Variants in COL8A1 observed in about 807,000 individuals in gnomAD.
COL8A1 encodes collagen type VIII alpha 1 chain.
A neutral mutation model predicts 42.7 loss-of-function variants in COL8A1; 21 were observed. The ratio of observed to expected loss-of-function variants is 0.49; its 90% confidence interval spans 0.35 to 0.71. The LOEUF is 0.71. Ranked by LOEUF, COL8A1 falls within the 30% of genes least tolerant of loss-of-function variation. COL8A1 has a pLI of 0.01. For synonymous variants in COL8A1, 367 were observed against 369.1 expected, an observed-to-expected ratio of 0.99 and a Z score of 0.06; for missense variants, 788 against 962.4, an observed-to-expected ratio of 0.82 and a Z score of 2.40.
rs1942111469 is a variant in COL8A1, at chr3:99,796,509, TTAAAATATTTATAAATA to T, written c.*375_*391del. 1 of 162,842 alleles carries T rather than the reference TTAAAATATTTATAAATA, an allele frequency of 6.1e-6. No individual in the cohort carries two copies. The highest frequency in any genetic ancestry group is 1.3e-5 in the Non-Finnish European group (1 of 75,454). The allele number at this position is 162,842 out of a possible 1,614,324, so 10.1% of individuals were successfully genotyped here. A position where few individuals can be genotyped will look rare whatever the true frequency, so the allele number is the denominator to read the frequency against. ...AAGGCACTCACTCATATTGTTTACT[TTAAAATATTTATAAATA>T]TGCCTTAAAGAAATACAAATGATAA... On this transcript the variant is annotated 3_prime_UTR_variant, in exon 4 of 4. Coordinates refer to ENST00000652472, the MANE Select transcript of COL8A1 (RefSeq NM_020351.4).
intron 1 of COL8A1, among the ~76,000 whole-genome samples, chr3:99,682,958 C>T (rs895225279): frequency 6.6e-5 from 10 of 152,090 alleles, no homozygotes; most frequent in Non-Finnish European, 1.0e-4. Flanking sequence ...AAATATGCCA[C>T]GAAGTGTAGA....
intron 1 of COL8A1, among the ~76,000 whole-genome samples, chr3:99,741,094 C>G (rs1234255045): frequency 2.0e-5 from 3 of 151,986 alleles, no homozygotes; most frequent in African/African-American, 7.2e-5. Context: ...CTCACTTAAC[C>G]CAACCAACAT....
chr3:99,698,225 A>G (rs1016504193), intron 1 of COL8A1, among the ~76,000 whole-genome samples: 18 of 152,216 alleles, frequency 1.2e-4, no homozygotes, highest in Admixed American at 3.3e-4. Context: ...ATTGGTGGAC[A>G]TTTGGGTTGC....
chr3:99,777,912 G>C (rs913466473), intron 2 of COL8A1, among the ~76,000 whole-genome samples: 4 of 152,176 alleles, frequency 2.6e-5, no homozygotes, highest in Non-Finnish European at 4.4e-5. Context: ...ACCAGCAGGA[G>C]AGGAAAGCAA....
chr3:99,721,791 A>T (rs1250082443), intron 1 of COL8A1, among the ~76,000 whole-genome samples: 1 of 152,108 alleles, frequency 6.6e-6, no homozygotes, highest in Non-Finnish European at 1.5e-5. Context: ...GTGAAAGGGC[A>T]GAGGAAAGTC....
At chr3:99,715,955 G>C (rs1485896544) in intron 1 of COL8A1, among the ~76,000 whole-genome samples, 1 of 151,956 alleles carries the variant, frequency 6.6e-6, no homozygotes, top group Non-Finnish European at 1.5e-5. Context: ...GAATTAAAAG[G>C]TCTTACGCCT....
At chr3:99,776,984 A>G (rs560255760) in intron 2 of COL8A1, among the ~76,000 whole-genome samples, 2 of 152,328 alleles carry the variant, frequency 1.3e-5, no homozygotes, top group South Asian at 2.1e-4. Flanking sequence ...GCCAGAGGGC[A>G]CTTTCATCAC....
At chr3:99,715,749 T>C (rs1008504921) in intron 1 of COL8A1, among the ~76,000 whole-genome samples, 9 of 152,050 alleles carry the variant, frequency 5.9e-5, no homozygotes, top group Middle Eastern at 3.4e-3. Context: ...AGCAAAGACA[T>C]GGCTTTTTAT....
intron 1 of COL8A1, among the ~76,000 whole-genome samples, chr3:99,648,510 G>C (rs1333396298): frequency 6.6e-6 from 1 of 151,404 alleles, no homozygotes; most frequent in Admixed American, 6.6e-5. Flanking sequence ...AGCCAAAAAA[G>C]TAAGGACTGT....
At chr3:99,661,596 T>C (rs531813922) in intron 1 of COL8A1, among the ~76,000 whole-genome samples, 1 of 152,340 alleles carries the variant, frequency 6.6e-6, no homozygotes, top group South Asian at 2.1e-4. Flanking sequence ...ATTAGCATAT[T>C]ATCCAGCAAT....
intron 1 of COL8A1, among the ~76,000 whole-genome samples, chr3:99,692,984 C>T (rs1285362051): frequency 6.6e-6 from 1 of 152,174 alleles, no homozygotes; most frequent in Non-Finnish European, 1.5e-5. Context: ...CATGGTGAAA[C>T]CTTGTCTCTA....
intron 1 of COL8A1, among the ~76,000 whole-genome samples, chr3:99,714,862 C>T (rs535493279): frequency 6.6e-6 from 1 of 152,068 alleles, no homozygotes; most frequent in South Asian, 2.1e-4. Context: ...GAAGGAACCA[C>T]TTTACATAGG....
At chr3:99,741,642 T>C (rs1940902565) in intron 1 of COL8A1, among the ~76,000 whole-genome samples, 1 of 152,162 alleles carries the variant, frequency 6.6e-6, no homozygotes, top group Non-Finnish European at 1.5e-5. Flanking sequence ...AAGGCTGAGA[T>C]TTGCTGGCAT....
intron 2 of COL8A1, among the ~76,000 whole-genome samples, chr3:99,780,877 C>A (rs1941782041): frequency 6.6e-6 from 1 of 152,152 alleles, no homozygotes; most frequent in Admixed American, 6.6e-5. Flanking sequence ...AATTCCACCC[C>A]TTAAATAAAT....
chr3:99,730,065 G>T (rs1940455912), intron 1 of COL8A1, among the ~76,000 whole-genome samples: 2 of 152,068 alleles, frequency 1.3e-5, no homozygotes, highest in Non-Finnish European at 1.5e-5. Flanking sequence ...GATGTCAATG[G>T]GATAAGAATA....
chr3:99,681,594 AC>A (rs1473697061), intron 1 of COL8A1, among the ~76,000 whole-genome samples: 3 of 152,178 alleles, frequency 2.0e-5, no homozygotes, highest in Non-Finnish European at 2.9e-5. Flanking sequence ...AATATGAAAG[AC>A]CAGCTGCTCT....
intron 1 of COL8A1, among the ~76,000 whole-genome samples, chr3:99,669,310 AAACT>A (rs1423647544): frequency 2.6e-5 from 4 of 151,914 alleles, no homozygotes; most frequent in African/African-American, 9.7e-5. Flanking sequence ...ACTGTAAACC[AAACT>A]AAGGAGGTTG....
chr3:99,669,157 A>AGG (rs1352549763), intron 1 of COL8A1, among the ~76,000 whole-genome samples: 13,650 of 142,452 alleles, frequency 0.096, 903 homozygotes, highest in Non-Finnish European at 0.13. Context: ...AGAGGGAGAG[A>AGG]GAGAGAGAGA....
chr3:99,674,649 G>A (rs1472157359), intron 1 of COL8A1, among the ~76,000 whole-genome samples: 1 of 151,932 alleles, frequency 6.6e-6, no homozygotes, highest in Admixed American at 6.6e-5. Flanking sequence ...ATTGTCCCTG[G>A]CAAACACCCA....
Sources: gnomAD v4.1 joint callset for allele counts (sites outside exome capture counted in the v4.1 genomes callset) on GRCh38, gnomAD v4.1.1 for gene constraint, MANE v1.5 for transcripts, NCBI Gene and HGNC (gene_info 2026-07-23, HGNC 2026-07-21) for gene names.